The following TNKS variants were observed in gnomAD, a reference collection of about 807,000 sequenced individuals.
The protein encoded by TNKS is poly [ADP-ribose] polymerase tankyrase-1.
In TNKS, 72 loss-of-function variants were observed where a neutral mutation model predicts 135.8. The ratio of observed to expected loss-of-function variants is 0.53; its 90% CI spans 0.44 to 0.64. TNKS has a LOEUF of 0.64. Among genes scored for constraint, TNKS ranks in the 30% least tolerant of loss-of-function variants. TNKS has a pLI of 0.00. For synonymous variants in TNKS, 849 were observed against 649.3 expected (o/e 1.31, Z -4.68); for missense variants, 1,769 against 1,674.0 (o/e 1.06, Z -0.99).
At chr8:9,676,594 C>G (rs1802546806) in intron 3 of TNKS, among the ~76,000 whole-genome samples, 1 of 151,858 alleles carries the variant, frequency 6.6e-6, no homozygotes, top group South Asian at 2.1e-4. Context: ...TCTGACTACT[C>G]CAGAAAAATA....
intron 5 of TNKS, among the ~76,000 whole-genome samples, chr8:9,698,536 C>G (rs1803637651): frequency 6.6e-6 from 1 of 152,124 alleles, no homozygotes; most frequent in Admixed American, 6.5e-5. Context: ...AGGGATTACA[C>G]TTCCCACTTC....
chr8:9,566,019 A>G (rs1485663019), intron 1 of TNKS, among the ~76,000 whole-genome samples: 1 of 152,106 alleles, frequency 6.6e-6, no homozygotes, highest in Non-Finnish European at 1.5e-5. Flanking sequence ...TAGACATTGA[A>G]AAGTTCTGAT....
intron 11 of TNKS, 163 bp downstream of exon 11, chr8:9,710,383 T>G: frequency 1.5e-6 from 1 of 664,456 alleles, no homozygotes; most frequent in East Asian, 2.7e-5. Context: ...ATTTAGATCT[T>G]GTTTCTAATA....
At chr8:9,702,868 T>A (rs776735555) in intron 5 of TNKS, among the ~76,000 whole-genome samples, 1 of 151,812 alleles carries the variant, frequency 6.6e-6, no homozygotes, top group African/African-American at 2.4e-5. Flanking sequence ...ATACAAAAAT[T>A]AGCTGGGTAT....
intron 3 of TNKS, among the ~76,000 whole-genome samples, chr8:9,652,958 C>T (rs2128781985): frequency 6.6e-6 from 1 of 152,248 alleles, no homozygotes. Flanking sequence ...AATGTCTAGC[C>T]CTAGAGGTTA....
chr8:9,591,329 A>G (rs1012609301), intron 2 of TNKS, among the ~76,000 whole-genome samples: 2 of 152,054 alleles, frequency 1.3e-5, no homozygotes, highest in Admixed American at 6.6e-5. Flanking sequence ...GTTTCATTGT[A>G]TGGATGTAGC....
At chr8:9,617,447 G>A (rs574738914) in intron 3 of TNKS, among the ~76,000 whole-genome samples, 36 of 152,112 alleles carry the variant, frequency 2.4e-4, no homozygotes, top group African/African-American at 7.5e-4. Context: ...CTACTTTTTT[G>A]GAAATGATCT....
intron 3 of TNKS, among the ~76,000 whole-genome samples, chr8:9,672,711 C>CACACACACACACAA (rs1399922732): frequency 4.7e-5 from 4 of 85,242 alleles, no homozygotes; most frequent in African/African-American, 1.4e-4. Context: ...CACACACACA[C>CACACACACACACAA]AAAAAAAAAA....
chr8:9,704,009 C>A (rs1451316155), intron 5 of TNKS, among the ~76,000 whole-genome samples: 1 of 152,158 alleles, frequency 6.6e-6, no homozygotes, highest in Non-Finnish European at 1.5e-5. Context: ...AACTGTATTC[C>A]TCTCTTGTCT....
At chr8:9,638,011 C>G (rs1044452037) in intron 3 of TNKS, among the ~76,000 whole-genome samples, 2 of 152,052 alleles carry the variant, frequency 1.3e-5, no homozygotes, top group Admixed American at 6.6e-5. Flanking sequence ...CTTTGTTGCC[C>G]AGGCTGGAGT....
intron 18 of TNKS, among the ~76,000 whole-genome samples, chr8:9,750,863 T>G (rs1363172656): frequency 6.6e-6 from 1 of 152,254 alleles, no homozygotes; most frequent in Non-Finnish European, 1.5e-5. Context: ...AGATGGCCTT[T>G]CATCCCGCAG....
chr8:9,752,306 C>G (rs1258226303), intron 19 of TNKS, among the ~76,000 whole-genome samples: 2 of 151,882 alleles, frequency 1.3e-5, no homozygotes, highest in Non-Finnish European at 2.9e-5. Flanking sequence ...ATTCTATATT[C>G]TAACCATAAT....
chr8:9,687,570 T>TA (rs1485837320), intron 5 of TNKS, among the ~76,000 whole-genome samples: 3 of 152,218 alleles, frequency 2.0e-5, no homozygotes, highest in East Asian at 3.8e-4. Flanking sequence ...GGGTAATTAG[T>TA]ACCAATGCCA....
At chr8:9,613,280 C>T (rs760095976) in intron 2 of TNKS, among the ~76,000 whole-genome samples, 2 of 152,194 alleles carry the variant, frequency 1.3e-5, no homozygotes, top group Non-Finnish European at 2.9e-5. Context: ...TGAGAGTACA[C>T]ATTTTAACAT....
intron 4 of TNKS, among the ~76,000 whole-genome samples, chr8:9,680,241 C>T (rs1432447267): frequency 6.6e-6 from 1 of 152,054 alleles, no homozygotes; most frequent in Non-Finnish European, 1.5e-5. Context: ...CCAGCTTTTC[C>T]AGCGATATTC....
chr8:9,705,673 C>G (rs994131616), intron 6 of TNKS, among the ~76,000 whole-genome samples: 3 of 152,330 alleles, frequency 2.0e-5, no homozygotes, highest in African/African-American at 4.8e-5. Context: ...TTGTACATCT[C>G]TATTTCCTTG....
At chr8:9,734,212 T>A (rs1333600964) in intron 15 of TNKS, among the ~76,000 whole-genome samples, 3 of 152,200 alleles carry the variant, frequency 2.0e-5, no homozygotes, top group African/African-American at 7.2e-5. Flanking sequence ...GAATCCATTG[T>A]CCACCTTGAC....
intron 1 of TNKS, among the ~76,000 whole-genome samples, chr8:9,562,864 T>C (rs1249897877): frequency 1.3e-5 from 2 of 152,002 alleles, no homozygotes; most frequent in African/African-American, 2.4e-5. Flanking sequence ...TTCTCTTCCA[T>C]TAAAGACCAG....
At chr8:9,772,107 A>G (rs1807939740) in intron 26 of TNKS, among the ~76,000 whole-genome samples, 1 of 144,282 alleles carries the variant, frequency 6.9e-6, no homozygotes, top group African/African-American at 2.6e-5. Context: ...GAAACAGGGA[A>G]GGACGGGTGG....
Sources: allele counts gnomAD v4.1 joint callset (sites outside exome capture counted in the v4.1 genomes callset), GRCh38; gene constraint gnomAD v4.1.1; transcripts MANE v1.5; gene names NCBI Gene and HGNC (gene_info 2026-07-23, HGNC 2026-07-21).